The following ZHX2 variants were observed in gnomAD, a reference collection of about 807,000 sequenced individuals.
ZHX2 encodes the protein zinc fingers and homeoboxes 2.
ZHX2 carries 6 observed loss-of-function variants against 21.9 expected under a neutral mutation model. The ratio of observed to expected loss-of-function variants is 0.27; its 90% CI spans 0.15 to 0.54. The LOEUF (loss-of-function observed/expected upper bound fraction) is 0.54, where lower values mean the gene tolerates loss of function less well. Ranked by LOEUF, ZHX2 falls within the 20% of genes least tolerant of loss-of-function variation. The pLI is 0.95. For missense variants in ZHX2, 908 were observed against 1,090.7 expected (o/e 0.83, Z 2.36); for synonymous variants, 434 against 437.1 (o/e 0.99, Z 0.09).
intron 2 of ZHX2, among the ~76,000 whole-genome samples, chr8:122,881,577 T>A (rs138251376): frequency 4.9e-4 from 74 of 152,352 alleles, no homozygotes; most frequent in African/African-American, 1.6e-3. Context: ...CATTAATGTG[T>A]GCATTTTAAT....
Position 122,951,846 on chromosome 8 carries a change from T to C in ZHX2, c.336T>C (p.Cys112=), listed in dbSNP as rs150692889. Residue 112 remains cysteine (C), a synonymous_variant, in exon 3 of 4, where the codon TGT becomes TGC. Coordinates refer to ENST00000314393, the MANE Select transcript of ZHX2 (RefSeq NM_014943.5). ...PNVILNPLYV[C]AECNFTTKKY... is the part of the protein sequence containing the mutation. Reference sequence around the variant, plus strand: ...TGATTCTCAACCCCCTCTACGTGTGTGCAGAATGTAACTTCACAACCAAAA... The same window carrying C: ...TGATTCTCAACCCCCTCTACGTGTGCGCAGAATGTAACTTCACAACCAAAA... The C allele has an allele frequency of 1.4e-5, 22 of 1,614,006 alleles. No individual in the cohort carries two copies. The African/African-American group carries it at 2.8e-4, about 21-fold the overall frequency.
chr8:122,879,972 C>CTTTTTT (rs35351207), intron 2 of ZHX2, among the ~76,000 whole-genome samples: 3 of 126,402 alleles, frequency 2.4e-5, no homozygotes, highest in Non-Finnish European at 3.3e-5. Flanking sequence ...CTATTGTTAC[C>CTTTTTT]TTTTTTTTTT....
At chr8:122,888,906 T>A (rs993431541) in intron 2 of ZHX2, among the ~76,000 whole-genome samples, 4 of 152,176 alleles carry the variant, frequency 2.6e-5, no homozygotes, top group Non-Finnish European at 5.9e-5. Flanking sequence ...TTTTCTACCC[T>A]TCCCAACCTA....
At chr8:122,970,838 A>G (rs1014469975) in intron 3 of ZHX2, among the ~76,000 whole-genome samples, 2 of 152,190 alleles carry the variant, frequency 1.3e-5, no homozygotes, top group Non-Finnish European at 2.9e-5. Flanking sequence ...GGGATCAGCA[A>G]TAAGGCTCGT....
At chr8:122,854,379 A>T (rs1428974129) in intron 1 of ZHX2, among the ~76,000 whole-genome samples, 2 of 152,074 alleles carry the variant, frequency 1.3e-5, no homozygotes, top group Admixed American at 6.6e-5. Context: ...CACTTCCTTT[A>T]TTTCCCTCCT....
chr8:122,821,013 G>T (rs895511806), intron 1 of ZHX2, among the ~76,000 whole-genome samples: 5 of 152,222 alleles, frequency 3.3e-5, no homozygotes, highest in African/African-American at 1.2e-4. Flanking sequence ...CCAGCAGAGG[G>T]TGATGATTCA....
chr8:122,822,030 T>G (rs555425173), intron 1 of ZHX2, among the ~76,000 whole-genome samples: 2 of 152,228 alleles, frequency 1.3e-5, no homozygotes, highest in East Asian at 3.9e-4. Context: ...AGTGTGCTTC[T>G]AGGAGCCCTA....
At chr8:122,888,978 A>G (rs985623720) in intron 2 of ZHX2, among the ~76,000 whole-genome samples, 11 of 152,308 alleles carry the variant, frequency 7.2e-5, no homozygotes, top group African/African-American at 2.4e-4. Context: ...CCACATATGA[A>G]CAAAAACATG....
chr8:122,802,735 C>G (rs981243639), intron 1 of ZHX2, among the ~76,000 whole-genome samples: 1 of 152,198 alleles, frequency 6.6e-6, no homozygotes, highest in African/African-American at 2.4e-5. Context: ...GAGATGTGTT[C>G]TGGGTCCCAA....
At chr8:122,939,145 A>G (rs939326856) in intron 2 of ZHX2, among the ~76,000 whole-genome samples, 4 of 152,194 alleles carry the variant, frequency 2.6e-5, no homozygotes, top group Non-Finnish European at 5.9e-5. Flanking sequence ...AACCAAATAT[A>G]CTCAAATTAG....
chr8:122,782,458 CGTCTCCGCGCGTTTTG>C lies in ZHX2; in HGVS notation c.-283+514_-283+529del, dbSNP rs1817307673. Among the ~76,000 whole-genome samples, 1 of 152,144 alleles carries C rather than the reference CGTCTCCGCGCGTTTTG, an allele frequency of 6.6e-6. No individual in the cohort carries two copies. Among genetic ancestry groups the C allele is most frequent in the Non-Finnish European group, 1.5e-5 (1 of 68,028 alleles). ...CGGGGACTCCACCGGGACGTGGCCC[CGTCTCCGCGCGTTTTG>C]GCAGGCGGGGGGCTGCGTGTGTCTG... On this transcript the variant is annotated intron_variant, in intron 1 of 3. Coordinates refer to ENST00000314393, the MANE Select transcript of ZHX2 (RefSeq NM_014943.5). The surrounding 1 kb of genome is among the most constrained non-coding windows in gnomAD (Gnocchi z 5.3).
At chr8:122,868,885 A>G (rs745311639) in intron 2 of ZHX2, among the ~76,000 whole-genome samples, 12 of 152,144 alleles carry the variant, frequency 7.9e-5, no homozygotes, top group Non-Finnish European at 1.5e-4. Context: ...AAGACTAATG[A>G]AATCTATGCG....
At chr8:122,889,640 T>G (rs765984053) in intron 2 of ZHX2, among the ~76,000 whole-genome samples, 10 of 152,242 alleles carry the variant, frequency 6.6e-5, no homozygotes, top group African/African-American at 1.9e-4. Flanking sequence ...ATGAATAGTT[T>G]GCAAACATAG....
chr8:122,958,527 C>G (rs1457261154), intron 3 of ZHX2, among the ~76,000 whole-genome samples: 1 of 152,214 alleles, frequency 6.6e-6, no homozygotes, highest in Non-Finnish European at 1.5e-5. Context: ...AGCACGTCTA[C>G]TAAGTCACTT....
At chr8:122,943,590 G>A (rs966331308) in intron 2 of ZHX2, among the ~76,000 whole-genome samples, 5 of 152,198 alleles carry the variant, frequency 3.3e-5, no homozygotes, top group South Asian at 4.1e-4. Flanking sequence ...CCATGGTAGG[G>A]AAGAGAGGCC....
At chr8:122,806,428 G>T (rs1817824884) in intron 1 of ZHX2, among the ~76,000 whole-genome samples, 1 of 152,214 alleles carries the variant, frequency 6.6e-6, no homozygotes, top group Admixed American at 6.5e-5. Context: ...GGATGCATCT[G>T]CCCGGGTCAG....
intron 1 of ZHX2, among the ~76,000 whole-genome samples, chr8:122,806,216 CT>C (rs1367571993): frequency 6.6e-6 from 1 of 152,206 alleles, no homozygotes; most frequent in African/African-American, 2.4e-5. Flanking sequence ...GAATCTGAAA[CT>C]CAGCTTAACT....
intron 2 of ZHX2, among the ~76,000 whole-genome samples, chr8:122,885,204 C>T (rs558462770): frequency 1.3e-5 from 2 of 152,320 alleles, no homozygotes; most frequent in Non-Finnish European, 2.9e-5. Flanking sequence ...ACTGGCGAGA[C>T]CTTTCTGGCT....
At position 122,953,907 on chromosome 8, in the gene ZHX2, G is replaced by C. The variant is rs1357833358; in HGVS notation, c.2397G>C (p.Gly799=). ...TGGATTACGTGGAGGTGACGGTCGG[G>C]GAGGAGGATGCGATCTCAGATAGAT... is the stretch of plus-strand genomic sequence containing the variant. ...SVVDYVEVTV[G]EEDAISDRSD... Residue 799 remains glycine (G), a synonymous_variant, in exon 3 of 4, where the codon GGG becomes GGC. Coordinates refer to ENST00000314393, the MANE Select transcript of ZHX2 (RefSeq NM_014943.5). This position sits in a 1 kb window ranked among gnomAD's most constrained non-coding sequence, Gnocchi z 4.6. The C allele has an allele frequency of 1.5e-5, 25 of 1,614,062 alleles. No homozygotes were observed. Among genetic ancestry groups the C allele is most frequent in the Non-Finnish European group, 1.9e-5 (23 of 1,180,038 alleles).
Sources: gnomAD v4.1 joint callset for allele counts (sites outside exome capture counted in the v4.1 genomes callset) on GRCh38, gnomAD v4.1.1 for gene constraint, Gnocchi (gnomAD v3.1) non-coding constraint, MANE v1.5 for transcripts, NCBI Gene and HGNC (gene_info 2026-07-23, HGNC 2026-07-21) for gene names.